The following MPHOSPH9 variants were observed in gnomAD, a reference collection of about 807,000 sequenced individuals.
The protein encoded by MPHOSPH9 is M-phase phosphoprotein 9.
A neutral mutation model predicts 145.5 loss-of-function variants in MPHOSPH9; 88 were observed. The observed-to-expected ratio is 0.60, with a 90% CI of 0.51 to 0.72. The LOEUF (loss-of-function observed/expected upper bound fraction) is 0.72. Ranked by LOEUF, MPHOSPH9 falls within the 30% of genes least tolerant of loss-of-function variation. The pLI, the probability that MPHOSPH9 is intolerant of heterozygous loss-of-function variation, is 0.00. For missense variants in MPHOSPH9, 1,238 were observed against 1,386.6 expected, an observed-to-expected ratio of 0.89 and a Z score of 1.70; for synonymous variants, 435 against 486.2, an observed-to-expected ratio of 0.89 and a Z score of 1.39.
intron 5 of MPHOSPH9, among the ~76,000 whole-genome samples, chr12:123,220,167 C>G (rs753629096): frequency 2.0e-5 from 3 of 152,104 alleles, no homozygotes; most frequent in Admixed American, 1.3e-4. Flanking sequence ...GCACTCCAGC[C>G]TGAGTGACAG....
Position 123,194,570 on chromosome 12 carries a change from C to A in MPHOSPH9, c.2057G>T (p.Ser686Ile). The A allele has an allele frequency of 3.1e-6, 5 of 1,609,232 alleles. No homozygotes were observed. Among genetic ancestry groups the A allele is most frequent in the Non-Finnish European group, 4.2e-6 (5 of 1,179,126 alleles). ...TTCCTGCAAAATTTTGGAAGCACTG[C>A]TGGCTGCACTGAAGCGTTCTCTCAA... is the stretch of plus-strand genomic sequence containing the variant. ...NDLRERFSAA[S>I]SASKILQERI... is the part of the protein sequence containing the mutation. Residue 686 changes from serine to isoleucine, a missense_variant, in exon 13 of 24, where the codon AGC (serine) becomes ATC (isoleucine). This residue lies in a region of MPHOSPH9 where 837 missense variants were observed against 897.5 expected (regional missense o/e 0.93). Transcript: ENST00000606320.
intron 11 of MPHOSPH9, among the ~76,000 whole-genome samples, chr12:123,201,717 A>G (rs1052050325): frequency 2.0e-5 from 3 of 152,164 alleles, no homozygotes; most frequent in African/African-American, 7.2e-5. Flanking sequence ...CAAGGACTCT[A>G]CTACTAATAC....
chr12:123,152,348 G>A (rs1291586833), downstream of MPHOSPH9: 2 of 329,000 alleles, frequency 6.1e-6, no homozygotes, highest in Non-Finnish European at 1.2e-5. Flanking sequence ...TATTTATTGA[G>A]TGCCTGTAGT....
upstream of MPHOSPH9, among the ~76,000 whole-genome samples, chr12:123,235,988 C>G (rs1268169258): frequency 6.6e-6 from 1 of 151,896 alleles, no homozygotes; most frequent in Non-Finnish European, 1.5e-5. Context: ...CGCTGGAACC[C>G]GGGAGGCAAA....
intron 6 of MPHOSPH9, among the ~76,000 whole-genome samples, chr12:123,217,294 T>A (rs2047010788): frequency 6.6e-6 from 1 of 151,884 alleles, no homozygotes; most frequent in South Asian, 2.1e-4. Context: ...GTCTCCCCAG[T>A]TCAAGTGATT....
At chr12:123,181,345 T>G in intron 13 of MPHOSPH9, 135 bp from the exon 14 acceptor site, 1 of 659,086 alleles carries the variant, frequency 1.5e-6, no homozygotes, top group Non-Finnish European at 2.6e-6. Context: ...AATAGAGAAC[T>G]GGTGATTCAA....
At chr12:123,193,411 C>G (rs1186157373) in intron 13 of MPHOSPH9, among the ~76,000 whole-genome samples, 1 of 152,056 alleles carries the variant, frequency 6.6e-6, no homozygotes, top group Non-Finnish European at 1.5e-5. Flanking sequence ...AGATGCAAAT[C>G]TAAAGCAATC....
chr12:123,215,431 T>A (rs2046914762), intron 6 of MPHOSPH9, among the ~76,000 whole-genome samples: 1 of 152,076 alleles, frequency 6.6e-6, no homozygotes, highest in Non-Finnish European at 1.5e-5. Context: ...GTATTTATAA[T>A]TTGCCATTTA....
intron 20 of MPHOSPH9, 121 bp downstream of exon 20, chr12:123,162,893 A>G: frequency 1.1e-6 from 1 of 949,912 alleles, no homozygotes; most frequent in Non-Finnish European, 1.5e-6. Flanking sequence ...TATGATTTAA[A>G]TGAAATTCAC....
At chr12:123,203,455 G>T in intron 8 of MPHOSPH9, 80 bp from the exon 9 acceptor site, 4 of 1,317,098 alleles carry the variant, frequency 3.0e-6, no homozygotes, top group East Asian at 2.4e-5. Flanking sequence ...ACCATAAAAA[G>T]ATTTTTGAAA....
Position 123,193,169 on chromosome 12 carries a change from CAGG to C in MPHOSPH9, c.2241+1214_2241+1216del, listed in dbSNP as rs770345310. Among the ~76,000 whole-genome samples, 100 of 143,330 alleles carry C rather than the reference CAGG, an allele frequency of 7.0e-4. 1 individual carries two copies. The highest frequency in any genetic ancestry group is 7.9e-3 in the Middle Eastern group (2 of 252). The allele number at this position is 143,330 out of a possible 152,430, so 94.0% of individuals were successfully genotyped here. ...CACACACGAACCACATGGGAAGGAG[CAGG>C]AGAAGTGTCTGTGTTGCAGCAAATG... On this transcript the variant is annotated intron_variant, in intron 13 of 23. Coordinates refer to ENST00000606320, the MANE Select transcript of MPHOSPH9 (RefSeq NM_022782.4).
At chr12:123,240,818 C>T (rs993217087) in intron 1 of MPHOSPH9, 2 of 148,746 alleles carry the variant, frequency 1.3e-5, no homozygotes, top group Non-Finnish European at 3.0e-5. Flanking sequence ...ACCACAACCT[C>T]CGACTCCCGA....
At chr12:123,215,306 G>A (rs1020143258) in intron 6 of MPHOSPH9, among the ~76,000 whole-genome samples, 2 of 151,612 alleles carry the variant, frequency 1.3e-5, no homozygotes, top group Non-Finnish European at 2.9e-5. Context: ...GGAATTCACT[G>A]TTGCAGATTT....
chr12:123,165,679 G>C, intron 17 of MPHOSPH9: 1 of 496,132 alleles, frequency 2.0e-6, no homozygotes, highest in Non-Finnish European at 3.6e-6. Context: ...TTATGAAAAA[G>C]GGAAAGAGGC....
chr12:123,165,172 G>A lies in MPHOSPH9; in HGVS notation c.2767+130C>T, dbSNP rs1055466967. 37 of 759,040 alleles carry A rather than the reference G, an allele frequency of 4.9e-5. No homozygotes were observed. In the South Asian group the frequency reaches 6.4e-4, roughly 13 times the overall value. The allele number at this position is 759,040 out of a possible 1,614,324, so 47.0% of individuals were successfully genotyped here. On this transcript the variant is annotated intron_variant, in intron 18 of 23. Transcript: ENST00000606320. ...TTCTCTATGAAACGGGGCTGAAGTAGCAGTAAAATAGCAAGTTTACAGAGC... is the reference window on the plus strand; with the variant it reads ...TTCTCTATGAAACGGGGCTGAAGTAACAGTAAAATAGCAAGTTTACAGAGC...
At chr12:123,182,597 C>T (rs963018301) in intron 13 of MPHOSPH9, among the ~76,000 whole-genome samples, 10 of 151,196 alleles carry the variant, frequency 6.6e-5, no homozygotes, top group African/African-American at 2.4e-4. Flanking sequence ...AAGCACAATG[C>T]CAAAGTCTTT....
intron 3 of MPHOSPH9, among the ~76,000 whole-genome samples, chr12:123,224,510 A>T (rs1247155039): frequency 6.6e-6 from 1 of 152,026 alleles, no homozygotes; most frequent in Non-Finnish European, 1.5e-5. Context: ...ACCTCAAGTG[A>T]TCCACCCGCC....
intron 13 of MPHOSPH9, among the ~76,000 whole-genome samples, chr12:123,193,669 T>C (rs371719698): frequency 6.6e-6 from 1 of 152,086 alleles, no homozygotes; most frequent in Admixed American, 6.6e-5. Context: ...TGAAACCTAA[T>C]CTGGTTTCAA....
intron 14 of MPHOSPH9, among the ~76,000 whole-genome samples, chr12:123,180,447 C>G (rs1265645572): frequency 6.6e-6 from 1 of 152,164 alleles, no homozygotes; most frequent in South Asian, 2.1e-4. Flanking sequence ...CCCACTTACA[C>G]CATCGTCGAA....
Sources: gnomAD v4.1 joint callset for allele counts (sites outside exome capture counted in the v4.1 genomes callset) on GRCh38, gnomAD v4.1.1 for gene constraint, gnomAD v4.1.1 regional missense constraint, MANE v1.5 for transcripts, NCBI Gene and HGNC (gene_info 2026-07-23, HGNC 2026-07-21) for gene names.